The following EPHA3 variants were observed in gnomAD, a reference collection of about 807,000 sequenced individuals.
EPHA3 encodes the protein ephrin type-A receptor 3.
In EPHA3, 42 loss-of-function variants were observed where a neutral mutation model predicts 107.1. The ratio of observed to expected loss-of-function variants is 0.39; its 90% CI spans 0.31 to 0.51. EPHA3 has a LOEUF of 0.51. Ranked by LOEUF, EPHA3 falls within the 20% of genes least tolerant of loss-of-function variation. The pLI is 0.78. For synonymous variants in EPHA3, 461 were observed against 424.8 expected (o/e 1.09, Z -1.05); for missense variants, 1,183 against 1,211.2 (o/e 0.98, Z 0.35).
chr3:89,399,214 G>C (rs956387133), intron 6 of EPHA3, 104 bp from the exon 7 acceptor site: 2 of 1,044,226 alleles, frequency 1.9e-6, no homozygotes, highest in Non-Finnish European at 2.7e-6. Context: ...CCTATGATTT[G>C]TGTTAAAATA....
chr3:89,244,925 C>A (rs1473760525), intron 3 of EPHA3, among the ~76,000 whole-genome samples: 1 of 152,158 alleles, frequency 6.6e-6, no homozygotes, highest in Non-Finnish European at 1.5e-5. Flanking sequence ...AGTTCAATTG[C>A]AGTTAACCCT....
chr3:89,433,616 G>A (rs746419705), intron 13 of EPHA3, among the ~76,000 whole-genome samples: 3 of 151,870 alleles, frequency 2.0e-5, no homozygotes, highest in Non-Finnish European at 4.4e-5. Context: ...TTTTTAATCT[G>A]AGTATTTTTT....
intron 2 of EPHA3, among the ~76,000 whole-genome samples, chr3:89,177,832 T>A (rs1705352397): frequency 6.6e-6 from 1 of 152,146 alleles, no homozygotes; most frequent in Non-Finnish European, 1.5e-5. Context: ...TTCCTCTTCT[T>A]CTACCTCTCT....
chr3:89,397,406 T>C (rs1708871117), intron 6 of EPHA3, among the ~76,000 whole-genome samples: 1 of 152,138 alleles, frequency 6.6e-6, no homozygotes, highest in South Asian at 2.1e-4. Flanking sequence ...TTCTTAAAAA[T>C]CAGTAATGTG....
chr3:89,342,200 G>T, intron 5 of EPHA3, 110 bp downstream of exon 5: 1 of 960,158 alleles, frequency 1.0e-6, no homozygotes, highest in Non-Finnish European at 1.5e-6. Context: ...TAGAACCCCA[G>T]GATTTTGCCT....
chr3:89,151,880 A>G (rs1176118322), intron 2 of EPHA3, among the ~76,000 whole-genome samples: 1 of 152,096 alleles, frequency 6.6e-6, no homozygotes, highest in Non-Finnish European at 1.5e-5. Context: ...CTCAAGTAAG[A>G]AAACTTTTCT....
At chr3:89,291,643 A>C (rs1237544942) in intron 3 of EPHA3, among the ~76,000 whole-genome samples, 4 of 152,150 alleles carry the variant, frequency 2.6e-5, no homozygotes, top group African/African-American at 4.8e-5. Flanking sequence ...AATTGTAGGC[A>C]CTTAAAACTG....
At chr3:89,216,980 A>G (rs1444791709) in intron 3 of EPHA3, among the ~76,000 whole-genome samples, 3 of 152,130 alleles carry the variant, frequency 2.0e-5, no homozygotes. Context: ...TGTGAAATAT[A>G]CTGGTAATAG....
At chr3:89,185,547 C>T (rs575010281) in intron 2 of EPHA3, among the ~76,000 whole-genome samples, 2 of 152,196 alleles carry the variant, frequency 1.3e-5, no homozygotes, top group African/African-American at 4.8e-5. Context: ...TCCTCCTCTA[C>T]GTTTTTCACT....
chr3:89,174,646 T>C (rs1001964691), intron 2 of EPHA3, among the ~76,000 whole-genome samples: 12 of 151,992 alleles, frequency 7.9e-5, no homozygotes, highest in Non-Finnish European at 1.6e-4. Flanking sequence ...TCCTTAATAA[T>C]ATAGTTATAA....
intron 2 of EPHA3, among the ~76,000 whole-genome samples, chr3:89,149,928 A>T (rs1017376290): frequency 3.9e-5 from 6 of 151,942 alleles, no homozygotes; most frequent in Non-Finnish European, 8.8e-5. Context: ...AACAAATTAA[A>T]TATTTAGTGA....
chr3:89,283,286 G>GT (rs1174307635), intron 3 of EPHA3, among the ~76,000 whole-genome samples: 1 of 152,102 alleles, frequency 6.6e-6, no homozygotes, highest in Non-Finnish European at 1.5e-5. Flanking sequence ...GGAATTCTAA[G>GT]TAGGTAGCTT....
At chr3:89,238,821 C>T (rs79820457) in intron 3 of EPHA3, among the ~76,000 whole-genome samples, 2,722 of 152,184 alleles carry the variant, frequency 0.018, 37 homozygotes, top group Non-Finnish European at 0.03. Context: ...TAAAATTAAA[C>T]TACTCATAGT....
At chr3:89,204,550 T>A (rs1432780098) in intron 2 of EPHA3, among the ~76,000 whole-genome samples, 1 of 151,854 alleles carries the variant, frequency 6.6e-6, no homozygotes. Flanking sequence ...GTCTCAACTA[T>A]TTGACATTAC....
At chr3:89,330,580 T>C (rs762644864) in intron 3 of EPHA3, among the ~76,000 whole-genome samples, 2 of 152,154 alleles carry the variant, frequency 1.3e-5, no homozygotes, top group Non-Finnish European at 2.9e-5. Flanking sequence ...TATGTTAATT[T>C]AAAATAAATT....
chr3:89,120,734 A>G (rs1391280777), intron 1 of EPHA3, among the ~76,000 whole-genome samples: 1 of 152,122 alleles, frequency 6.6e-6, no homozygotes, highest in African/African-American at 2.4e-5. Context: ...AGTTCCCCCT[A>G]CTGTTGGCAA....
chr3:89,423,246 C>T (rs116716116), intron 11 of EPHA3, among the ~76,000 whole-genome samples: 1 of 151,236 alleles, frequency 6.6e-6, no homozygotes, highest in African/African-American at 2.4e-5. Flanking sequence ...ATGGGCAGAA[C>T]GTTAAGATGA....
intron 1 of EPHA3, among the ~76,000 whole-genome samples, chr3:89,116,875 C>T (rs557554787): frequency 1.3e-5 from 2 of 151,908 alleles, no homozygotes; most frequent in Non-Finnish European, 2.9e-5. Context: ...ACTCATTTTC[C>T]TGTTATTTGA....
chr3:89,383,618 G>GTGGT (rs1708552848), intron 5 of EPHA3, among the ~76,000 whole-genome samples: 1 of 146,048 alleles, frequency 6.8e-6, no homozygotes, highest in South Asian at 2.2e-4. Flanking sequence ...ACTTCACAGT[G>GTGGT]TGGTCAGCCT....
Sources: gnomAD v4.1 joint callset for allele counts (sites outside exome capture counted in the v4.1 genomes callset) on GRCh38, gnomAD v4.1.1 for gene constraint, MANE v1.5 for transcripts, NCBI Gene and HGNC (gene_info 2026-07-23, HGNC 2026-07-21) for gene names.